The following PCDHGB6 variants were observed in gnomAD, a reference collection of about 807,000 sequenced individuals.
The protein encoded by PCDHGB6 is protocadherin gamma subfamily B, 6.
A neutral mutation model predicts 59.1 loss-of-function variants in PCDHGB6; 51 were observed. The observed-to-expected ratio is 0.86, with a 90% confidence interval of 0.69 to 1.09. The LOEUF is 1.09. Among genes scored for constraint, PCDHGB6 ranks in the 50% least tolerant of loss-of-function variants. The pLI is 0.00. For synonymous variants in PCDHGB6, 466 were observed against 495.1 expected (o/e 0.94, Z 0.78); for missense variants, 1,148 against 1,205.1 (o/e 0.95, Z 0.70).
intron 1 of PCDHGB6, chr5:141,413,858 G>T: frequency 6.2e-7 from 1 of 1,613,258 alleles, no homozygotes; most frequent in Non-Finnish European, 8.5e-7. Context: ...CTCCGATCTG[G>T]CACTGTCCTT....
intron 1 of PCDHGB6, among the ~76,000 whole-genome samples, chr5:141,455,860 A>T (rs1032468147): frequency 1.4e-5 from 2 of 139,848 alleles, no homozygotes; most frequent in South Asian, 2.3e-4. Context: ...AATTTCTTTT[A>T]TTATTTATTT....
At chr5:141,510,311 C>T (rs375516156) in intron 3 of PCDHGB6, among the ~76,000 whole-genome samples, 98 of 151,056 alleles carry the variant, frequency 6.5e-4, no homozygotes, top group African/African-American at 2.3e-3. Flanking sequence ...GAAATGGAGG[C>T]TTGGAAGAGC....
At chr5:141,422,090 AGGCTTCTGAAATATTCCAATT>A (rs1561798894) in intron 1 of PCDHGB6, 11 of 1,611,852 alleles carry the variant, frequency 6.8e-6, no homozygotes, top group Non-Finnish European at 9.3e-6. Flanking sequence ...ATGGAAAGCA[AGGCTTCTGAAATATTCCAATT>A]GGATTCACAA....
intron 3 of PCDHGB6, among the ~76,000 whole-genome samples, chr5:141,510,440 C>T (rs1251795430): frequency 6.6e-6 from 1 of 152,066 alleles, no homozygotes; most frequent in Non-Finnish European, 1.5e-5. Context: ...TGCTGCCCTC[C>T]AGGAGCCCAT....
rs566838507 is a variant in PCDHGB6, at chr5:141,415,047, G to T, written c.2418+4427G>T. ...GCGAGCCGGGACTCTTCGCGGTGGG[G>T]GAGCACACGGGCGAGGTGCGCACGG... On this transcript the variant is annotated intron_variant, in intron 1 of 3. Transcript: ENST00000520790. The T allele has an allele frequency of 4.2e-5, 67 of 1,613,220 alleles. 1 individual carries two copies. The Admixed American group carries it at 6.0e-4, about 14-fold the overall frequency.
intron 1 of PCDHGB6, chr5:141,420,535 T>C (rs1322301404): frequency 6.2e-6 from 2 of 321,930 alleles, no homozygotes; most frequent in African/African-American, 4.3e-5. Flanking sequence ...CGGTTAAAAA[T>C]ATAAAATACA....
intron 1 of PCDHGB6, among the ~76,000 whole-genome samples, chr5:141,452,713 T>TGAGG (rs2098747318): frequency 6.7e-6 from 1 of 148,530 alleles, no homozygotes; most frequent in Non-Finnish European, 1.5e-5. Flanking sequence ...AAGGAAGGAA[T>TGAGG]GAGGGAGGGA....
intron 3 of PCDHGB6, among the ~76,000 whole-genome samples, chr5:141,506,444 C>T (rs542906499): frequency 2.1e-5 from 2 of 95,022 alleles, no homozygotes; most frequent in South Asian, 3.6e-4. Flanking sequence ...CGCTCTGTCT[C>T]AAAAAAAAAA....
At chr5:141,452,016 A>G (rs988436326) in intron 1 of PCDHGB6, among the ~76,000 whole-genome samples, 5 of 152,084 alleles carry the variant, frequency 3.3e-5, no homozygotes, top group Non-Finnish European at 5.9e-5. Flanking sequence ...TCCAGCCCAC[A>G]CTCTGGGGAG....
rs961891623 is a variant in PCDHGB6 at position 141,487,938 on chromosome 5, GC to G, written c.2419-6868del. The G allele has an allele frequency of 2.8e-5, 17 of 600,188 alleles. No homozygotes were observed. The highest frequency in any genetic ancestry group is 4.7e-5 in the Non-Finnish European group (16 of 342,978). 37.2% of individuals were successfully genotyped at this position (600,188 alleles called of 1,614,324 possible). ...GAGGCTACAGTGCACAGGGTACAGTGCACCAGGCAGTCACTTGGACAAAGGT... is the reference window on the plus strand; with the variant it reads ...GAGGCTACAGTGCACAGGGTACAGTGACCAGGCAGTCACTTGGACAAAGGT... On this transcript the variant is annotated intron_variant, in intron 1 of 3. Coordinates refer to ENST00000520790, the MANE Select transcript of PCDHGB6 (RefSeq NM_018926.3). The surrounding 1 kb of genome is among the most constrained non-coding windows in gnomAD (Gnocchi z 5.0).
intron 1 of PCDHGB6, among the ~76,000 whole-genome samples, chr5:141,456,911 C>T (rs1262649726): frequency 2.0e-5 from 3 of 151,928 alleles, no homozygotes; most frequent in Non-Finnish European, 4.4e-5. Flanking sequence ...TGCAGTGAGC[C>T]GAGATCGCAC....
At chr5:141,418,520 C>T (rs766042374) in intron 1 of PCDHGB6, 3 of 1,613,936 alleles carry the variant, frequency 1.9e-6, no homozygotes, top group Non-Finnish European at 2.5e-6. Flanking sequence ...TGGGGACCCT[C>T]CCCGAAGCGG....
Position 141,505,566 on chromosome 5 carries a change from A to G in PCDHGB6, c.2566+85A>G, listed in dbSNP as rs1363426407. 1.4e-5 allele frequency: 22 copies of G among 1,599,886 alleles called. No individual in the cohort carries two copies. In the East Asian group the frequency reaches 4.7e-4, roughly 34 times the overall value. ...CACAGCCACCATGCCCACGGACTGGATGTCAAACCTGTGTAGTTTCTCCAG... is the reference window on the plus strand; with the variant it reads ...CACAGCCACCATGCCCACGGACTGGGTGTCAAACCTGTGTAGTTTCTCCAG... On this transcript the variant is annotated intron_variant, in intron 3 of 3. Coordinates refer to ENST00000520790, the MANE Select transcript of PCDHGB6 (RefSeq NM_018926.3).
intron 1 of PCDHGB6, among the ~76,000 whole-genome samples, chr5:141,435,462 T>G (rs1206913100): frequency 6.6e-6 from 1 of 152,230 alleles, no homozygotes; most frequent in Non-Finnish European, 1.5e-5. Flanking sequence ...TGTATGTGTT[T>G]CCAAGTTAGA....
chr5:141,494,781 C>T, intron 1 of PCDHGB6, 26 bp from the exon 2 acceptor site: 1 of 1,614,074 alleles, frequency 6.2e-7, no homozygotes, highest in African/African-American at 1.3e-5. Flanking sequence ...GGGTACTCAG[C>T]CCCTTTCCCT....
intron 1 of PCDHGB6, among the ~76,000 whole-genome samples, chr5:141,438,792 G>T (rs2098065674): frequency 6.7e-6 from 1 of 149,346 alleles, no homozygotes. Flanking sequence ...CTCTCCAGTA[G>T]CTGGGATTAC....
intron 1 of PCDHGB6, among the ~76,000 whole-genome samples, chr5:141,482,940 G>T (rs1245833250): frequency 6.6e-6 from 1 of 152,026 alleles, no homozygotes; most frequent in East Asian, 1.9e-4. Context: ...AGGTGTGGTT[G>T]TGGGTGCCTG....
intron 1 of PCDHGB6, chr5:141,418,622 G>A: frequency 2.5e-6 from 4 of 1,614,026 alleles, no homozygotes; most frequent in Non-Finnish European, 3.4e-6. Context: ...TCGGGAAGAC[G>A]TGCCTCCAGG....
rs566838507 is a variant in PCDHGB6, at chr5:141,415,047, G to A, written c.2418+4427G>A. 5 of 1,613,392 alleles carry A rather than the reference G, an allele frequency of 3.1e-6. No homozygotes were observed. The African/African-American group carries it at 5.3e-5, about 17-fold the overall frequency. Reference sequence around the variant, plus strand: ...GCGAGCCGGGACTCTTCGCGGTGGGGGAGCACACGGGCGAGGTGCGCACGG... The same window carrying A: ...GCGAGCCGGGACTCTTCGCGGTGGGAGAGCACACGGGCGAGGTGCGCACGG... On this transcript the variant is annotated intron_variant, in intron 1 of 3. Coordinates refer to ENST00000520790, the MANE Select transcript of PCDHGB6 (RefSeq NM_018926.3).
Sources: allele counts gnomAD v4.1 joint callset (sites outside exome capture counted in the v4.1 genomes callset), GRCh38; gene constraint gnomAD v4.1.1; non-coding constraint Gnocchi (gnomAD v3.1); transcripts MANE v1.5; gene names NCBI Gene and HGNC (gene_info 2026-07-23, HGNC 2026-07-21).